NCOR2: variants seen among roughly 807,000 people sequenced by gnomAD.
NCOR2 encodes the protein CTG repeat protein 26.
NCOR2 carries 81 observed loss-of-function variants against 262.9 expected under a neutral mutation model. The observed-to-expected ratio is 0.31, with a 90% CI of 0.26 to 0.37. The LOEUF (loss-of-function observed/expected upper bound fraction) is 0.37, where lower values mean the gene tolerates loss of function less well. Among genes scored for constraint, NCOR2 ranks in the 10% least tolerant of loss-of-function variants. The pLI is 1.00. For synonymous variants in NCOR2, 1,659 were observed against 1,559.3 expected (o/e 1.06, Z -1.51); for missense variants, 3,385 against 3,621.4 (o/e 0.93, Z 1.68).
Position 124,363,897 on chromosome 12 carries a change from C to T in NCOR2, c.2808-98G>A, listed in dbSNP as rs2038808465. 3.6e-6 allele frequency: 4 copies of T among 1,097,606 alleles called. No homozygotes were observed. The Admixed American group carries it at 1.3e-4, about 36-fold the overall frequency. 68.0% of individuals were successfully genotyped at this position (1,097,606 alleles called of 1,614,324 possible). On this transcript the variant is annotated intron_variant, in intron 20 of 46. Coordinates refer to ENST00000405201, the Ensembl canonical transcript of NCOR2. ...TTGATGGCCTCTCCTGTCTCAAGCCCTGGGGACGAGGCTAAGGCCCTGAGA... is the reference window on the plus strand; with the variant it reads ...TTGATGGCCTCTCCTGTCTCAAGCCTTGGGGACGAGGCTAAGGCCCTGAGA...
At chr12:124,415,052 C>T (rs1450725142) in intron 13 of NCOR2, among the ~76,000 whole-genome samples, 3 of 152,172 alleles carry the variant, frequency 2.0e-5, no homozygotes, top group Non-Finnish European at 4.4e-5. Flanking sequence ...GGCTCCCCAG[C>T]CCACAGTCAC....
Position 124,459,408 on chromosome 12 carries a change from C to G in NCOR2, c.706-2246G>C, listed in dbSNP as rs188358632. 3.7e-4 allele frequency among the ~76,000 whole-genome samples: 56 copies of G among 152,238 alleles called. 1 individual carries two copies. Among genetic ancestry groups the G allele is most frequent in the African/African-American group, 1.3e-3 (54 of 41,534 alleles). On this transcript the variant is annotated intron_variant, in intron 5 of 46. Transcript: ENST00000405201. ...CCTGCTCCCAGTGTTGGGTTTGTTC[C>G]TGCTCCACGGTCTTCTCTGGTCCTG...
intron 7 of NCOR2, among the ~76,000 whole-genome samples, chr12:124,447,180 G>A (rs192660876): frequency 6.6e-6 from 1 of 152,350 alleles, no homozygotes; most frequent in African/African-American, 2.4e-5. Context: ...CTTCCAAAGC[G>A]CGGGGATTAC....
intron 1 of NCOR2, among the ~76,000 whole-genome samples, chr12:124,552,928 T>A (rs1459800911): frequency 6.6e-6 from 1 of 152,130 alleles, no homozygotes; most frequent in East Asian, 1.9e-4. Flanking sequence ...CAAGCGATCC[T>A]CCCACCTCAG....
At chr12:124,567,242 G>T (rs1245608395) in intron 1 of NCOR2, 66 bp downstream of exon 1, 2 of 151,930 alleles carry the variant, frequency 1.3e-5, no homozygotes, top group East Asian at 1.9e-4. Context: ...GATCCTCCCC[G>T]GATCCCCCGG....
Position 124,372,331 on chromosome 12 carries a change from G to A in NCOR2, c.2498C>T (p.Ala833Val), listed in dbSNP as rs764572269. The change falls in exon 20 of 47, where the codon GCA (alanine) becomes GTA (valine). Residue 833 changes from alanine (A) to valine (V), a missense_variant. Ala to Val is a moderately conservative substitution (Grantham distance 64, BLOSUM62 0). Around this residue, in one of 5 missense-constraint regions of NCOR2, gnomAD observed 1,615 missense variants for 1,626.9 expected, o/e 0.99. Transcript: ENST00000405201. ...CTCCCCCTCCTCCACTGGGGGCGCT[G>A]CTGCGGTCTCCTCCTCCTTCTCCTC... is the stretch of plus-strand genomic sequence containing the variant. 15 of 1,521,878 alleles carry A rather than the reference G, an allele frequency of 9.9e-6. No homozygotes were observed. Among genetic ancestry groups the A allele is most frequent in the South Asian group, 2.6e-5 (2 of 77,132 alleles). 94.3% of individuals were successfully genotyped at this position (1,521,878 alleles called of 1,614,324 possible). A position where few individuals can be genotyped will look rare whatever the true frequency, so the allele number is the denominator to read the frequency against.
At chr12:124,486,697 G>GA (rs1276037365) in intron 1 of NCOR2, 129 bp from the exon 4 acceptor site, 6 of 1,200,758 alleles carry the variant, frequency 5.0e-6, no homozygotes, top group African/African-American at 3.1e-5. Flanking sequence ...ATAAGCCCAA[G>GA]TCCTGCAGGG....
intron 8 of NCOR2, among the ~76,000 whole-genome samples, chr12:124,433,906 A>ACACACGCGCGCG (rs1565940641): frequency 1.4e-5 from 2 of 145,108 alleles, no homozygotes; most frequent in African/African-American, 5.6e-5. Flanking sequence ...ACACGCACAC[A>ACACACGCGCGCG]CACACACAGG....
chr12:124,544,166 T>A (rs1430815263), intron 1 of NCOR2, among the ~76,000 whole-genome samples: 3 of 152,110 alleles, frequency 2.0e-5, no homozygotes, highest in Non-Finnish European at 2.9e-5. Flanking sequence ...AGATGGAAGC[T>A]TCGGGAAACC....
chr12:124,336,933 GGGGCT>G lies in NCOR2; in HGVS notation c.5930_5934del (p.Glu1977AlafsTer48). ...CCAGAGACAGGAGGCACTAGGGGCCGGGGCTCCGAGCCCTTGCTGGGGGAGGAGGC... is the reference window on the plus strand; with the variant it reads ...CCAGAGACAGGAGGCACTAGGGGCCGCCGAGCCCTTGCTGGGGGAGGAGGC... On this transcript the variant is annotated frameshift_variant, in exon 38 of 47. Transcript: ENST00000405201. LOFTEE classifies it high-confidence loss of function. 6.4e-7 allele frequency: 1 copy of G among 1,567,640 alleles called. No homozygotes were observed. Among genetic ancestry groups the G allele is most frequent in the Non-Finnish European group, 8.6e-7 (1 of 1,157,360 alleles).
At chr12:124,495,293 A>C, upstream of NCOR2, 1 of 1,582,334 alleles carries the variant, frequency 6.3e-7, no homozygotes, top group Non-Finnish European at 8.6e-7. The surrounding 1 kb of genome is among the most constrained non-coding windows in gnomAD (Gnocchi z 4.4). Context: ...GGCCCCAATA[A>C]GCTTTCTCTT....
At chr12:124,510,560 G>A (rs1353452550) in intron 1 of NCOR2, among the ~76,000 whole-genome samples, 1 of 152,234 alleles carries the variant, frequency 6.6e-6, no homozygotes, top group Non-Finnish European at 1.5e-5. Context: ...GCCAACAAGG[G>A]CACAGCCTGG....
At chr12:124,376,331 T>C (rs1702314) in intron 18 of NCOR2, among the ~76,000 whole-genome samples, 150,045 of 152,322 alleles carry the variant, frequency 0.99, 73,939 homozygotes, top group Non-Finnish European at 1. Context: ...CAGTCCTGGG[T>C]GGCGTCTGCT....
intron 37 of NCOR2, among the ~76,000 whole-genome samples, chr12:124,338,127 G>A (rs910862102): frequency 6.6e-6 from 1 of 152,172 alleles, no homozygotes; most frequent in Non-Finnish European, 1.5e-5. Context: ...ATTAGGGGAG[G>A]TATGACTTCA....
At chr12:124,501,262 C>T (rs1463422245) in intron 1 of NCOR2, among the ~76,000 whole-genome samples, 9 of 152,142 alleles carry the variant, frequency 5.9e-5, no homozygotes, top group East Asian at 1.9e-4. Flanking sequence ...CAGCCACATA[C>T]GGCCTCCCTC....
intron 1 of NCOR2, among the ~76,000 whole-genome samples, chr12:124,502,508 AG>A (rs1682168541): frequency 6.6e-6 from 1 of 152,036 alleles, no homozygotes; most frequent in African/African-American, 2.4e-5. Context: ...TTTTATGCAA[AG>A]GCGCCGGGGA....
At chr12:124,392,158 G>A (rs2041351519) in intron 16 of NCOR2, among the ~76,000 whole-genome samples, 2 of 152,226 alleles carry the variant, frequency 1.3e-5, no homozygotes, top group Non-Finnish European at 2.9e-5. Flanking sequence ...CCTGAGTCAG[G>A]AGCCATGTGG....
At chr12:124,333,917 T>C (rs1024917892) in intron 41 of NCOR2, among the ~76,000 whole-genome samples, 85 of 89,904 alleles carry the variant, frequency 9.5e-4, no homozygotes, top group Middle Eastern at 0.011. Flanking sequence ...TGTGCGGGTG[T>C]GCATGTGTGT....
rs752963826 is a variant in NCOR2, at chr12:124,325,587, C to T, written c.7364-4G>A. 30 of 1,273,382 alleles carry T rather than the reference C, an allele frequency of 2.4e-5. No individual in the cohort carries two copies. In the South Asian group the frequency reaches 4.4e-4, roughly 19 times the overall value. 78.9% of individuals were successfully genotyped at this position (1,273,382 alleles called of 1,614,324 possible). On this transcript the variant is annotated splice_region_variant and splice_polypyrimidine_tract_variant and intron_variant, in intron 46 of 46. Coordinates refer to ENST00000405201, the Ensembl canonical transcript of NCOR2. ...TTGTAGGGGAATGGCGTGGAACCTG[C>T]GGGAAGAAGCGAAAGATGCCCAGGA...
Sources: gnomAD v4.1 joint callset for allele counts (sites outside exome capture counted in the v4.1 genomes callset) on GRCh38, gnomAD v4.1.1 for gene constraint, gnomAD v4.1.1 regional missense constraint, Gnocchi (gnomAD v3.1) non-coding constraint, MANE v1.5 for transcripts, NCBI Gene and HGNC (gene_info 2026-07-23, HGNC 2026-07-21) for gene names.